ITGA4: variants seen among roughly 807,000 people sequenced by gnomAD.
ITGA4 encodes the protein integrin alpha-4.
A neutral mutation model predicts 133.6 loss-of-function variants in ITGA4; 63 were observed. The ratio of observed to expected loss-of-function variants is 0.47; its 90% CI spans 0.38 to 0.58. ITGA4 has a LOEUF of 0.58. Ranked by LOEUF, ITGA4 falls within the 20% of genes least tolerant of loss-of-function variation. The probability of loss-of-function intolerance (pLI) is 0.00; values close to 1 mark genes in which losing one functional copy is unlikely to be tolerated. For missense variants in ITGA4, 1,076 were observed against 1,252.7 expected, an observed-to-expected ratio of 0.86 and a Z score of 2.13; for synonymous variants, 483 against 438.0, an observed-to-expected ratio of 1.10 and a Z score of -1.28.
chr2:181,521,358 A>G (rs1467276200), intron 17 of ITGA4, among the ~76,000 whole-genome samples: 2 of 152,174 alleles, frequency 1.3e-5, no homozygotes, highest in African/African-American at 4.8e-5. Context: ...GCCTTTGAAT[A>G]AGTTCCTTAT....
rs1345869336 is a variant in ITGA4, at chr2:181,536,985, T to C, written c.*1458T>C. ...CAGCCATCCTAATTGATGAAAGTTA[T>C]CTGTTCACAGGCCTGCAGTGATGGT... On this transcript the variant is annotated 3_prime_UTR_variant, in exon 28 of 28. Coordinates refer to ENST00000397033, the MANE Select transcript of ITGA4 (RefSeq NM_000885.6). The C allele has an allele frequency of 2.2e-6, 1 of 451,992 alleles. No individual in the cohort carries two copies. Among genetic ancestry groups the C allele is most frequent in the Non-Finnish European group, 4.4e-6 (1 of 226,022 alleles). The allele number at this position is 451,992 out of a possible 1,614,324, so 28.0% of individuals were successfully genotyped here.
intron 2 of ITGA4, among the ~76,000 whole-genome samples, chr2:181,467,609 G>C (rs1405323549): frequency 1.3e-5 from 2 of 152,158 alleles, no homozygotes; most frequent in African/African-American, 4.8e-5. Flanking sequence ...TAGGGAACAA[G>C]TAAGTGACCT....
At chr2:181,471,587 A>T (rs1315102496) in intron 2 of ITGA4, among the ~76,000 whole-genome samples, 1 of 152,202 alleles carries the variant, frequency 6.6e-6, no homozygotes, top group East Asian at 1.9e-4. Flanking sequence ...GATATTTGAA[A>T]ATTAATGAAT....
At chr2:181,530,143 T>C (rs1049261886) in intron 23 of ITGA4, among the ~76,000 whole-genome samples, 2 of 152,206 alleles carry the variant, frequency 1.3e-5, no homozygotes. Context: ...CTAAATAGGT[T>C]TGAGGTCTGA....
chr2:181,464,958 T>A (rs1456904935), intron 2 of ITGA4, among the ~76,000 whole-genome samples: 1 of 152,276 alleles, frequency 6.6e-6, no homozygotes, highest in South Asian at 2.1e-4. Flanking sequence ...TAGAAAATCT[T>A]TTTTATATAA....
At chr2:181,513,946 A>G (rs1358934700) in intron 17 of ITGA4, among the ~76,000 whole-genome samples, 1 of 152,108 alleles carries the variant, frequency 6.6e-6, no homozygotes, top group Non-Finnish European at 1.5e-5. Context: ...AGCTGCTGCA[A>G]AGCAGGGTCC....
intron 17 of ITGA4, 22 bp downstream of exon 17, chr2:181,511,797 T>C (rs1686510968): frequency 8.6e-7 from 1 of 1,163,080 alleles, no homozygotes; most frequent in Non-Finnish European, 1.3e-6. Flanking sequence ...TGGTATATAG[T>C]CTCTGTTATT....
intron 2 of ITGA4, among the ~76,000 whole-genome samples, chr2:181,462,248 A>G (rs1405799187): frequency 2.0e-5 from 3 of 152,178 alleles, no homozygotes; most frequent in Non-Finnish European, 4.4e-5. Flanking sequence ...TGGGCCTTCA[A>G]GCTGCCTGCC....
chr2:181,457,673 C>A lies in ITGA4; in HGVS notation c.19C>A (p.Arg7Ser), dbSNP rs1360518552. ...AGAGCGCATGGCTTGGGAAGCGAGG[C>A]GCGAACCCGGCCCCCGAAGGGCCGC... MAWEAR[R>S]EPGPRRAAVR... The change falls in exon 1 of 28, where the codon CGC (arginine) becomes AGC (serine). Residue 7 changes from arginine (R) to serine (S), a missense_variant. Arg to Ser is a moderately radical substitution (Grantham distance 110). Transcript: ENST00000397033. 20 of 1,610,470 alleles carry A rather than the reference C, an allele frequency of 1.2e-5. No individual in the cohort carries two copies. The East Asian group carries it at 4.5e-4, about 36-fold the overall frequency.
intron 27 of ITGA4, among the ~76,000 whole-genome samples, 167 bp from the exon 28 acceptor site, chr2:181,535,264 GT>G (rs1428155742): frequency 6.6e-6 from 1 of 152,064 alleles, no homozygotes. Context: ...AACCCAGTAT[GT>G]CCCCACTAAT....
intron 17 of ITGA4, among the ~76,000 whole-genome samples, chr2:181,514,821 T>C (rs568700761): frequency 4.6e-5 from 7 of 152,268 alleles, no homozygotes; most frequent in African/African-American, 1.7e-4. Context: ...TCCTGAATAA[T>C]GAAAATGCAT....
At chr2:181,515,400 C>T (rs1686585190) in intron 17 of ITGA4, among the ~76,000 whole-genome samples, 1 of 152,034 alleles carries the variant, frequency 6.6e-6, no homozygotes, top group Admixed American at 6.6e-5. Context: ...ATTACTATTT[C>T]TATTTTTGAA....
chr2:181,497,100 A>C (rs1246438023), intron 14 of ITGA4, among the ~76,000 whole-genome samples: 1 of 152,164 alleles, frequency 6.6e-6, no homozygotes, highest in East Asian at 1.9e-4. Flanking sequence ...GGAAAATGGC[A>C]ATTTGAGAGC....
At chr2:181,533,678 T>C (rs1294452751) in intron 25 of ITGA4, among the ~76,000 whole-genome samples, 1 of 152,186 alleles carries the variant, frequency 6.6e-6, no homozygotes, top group African/African-American at 2.4e-5. Context: ...CATTTTTGGC[T>C]CTAAAATGTT....
chr2:181,522,082 T>A (rs1686732351), intron 17 of ITGA4, 109 bp from the exon 18 acceptor site: 2 of 541,906 alleles, frequency 3.7e-6, no homozygotes, highest in African/African-American at 3.9e-5. Flanking sequence ...CCAAGAAAAT[T>A]AGTATTTTAT....
chr2:181,486,387 T>C (rs1187205675), intron 10 of ITGA4: 1 of 161,886 alleles, frequency 6.2e-6, no homozygotes, highest in Non-Finnish European at 1.3e-5. Flanking sequence ...GACCACGGTA[T>C]TTAACTATCA....
chr2:181,533,463 T>C (rs1296705783), intron 25 of ITGA4, among the ~76,000 whole-genome samples: 1 of 152,206 alleles, frequency 6.6e-6, no homozygotes, highest in Non-Finnish European at 1.5e-5. Context: ...AATTGGCATT[T>C]TGAACCAGAT....
chr2:181,533,081 A>G (rs1178586527), intron 25 of ITGA4, among the ~76,000 whole-genome samples: 1 of 152,238 alleles, frequency 6.6e-6, no homozygotes, highest in Non-Finnish European at 1.5e-5. Flanking sequence ...AATGAAATAT[A>G]TCTTGGACTT....
At chr2:181,488,604 G>A (rs978596855) in intron 10 of ITGA4, among the ~76,000 whole-genome samples, 1 of 151,184 alleles carries the variant, frequency 6.6e-6, no homozygotes, top group East Asian at 1.9e-4. Context: ...TGTCACCCAG[G>A]CCAGAGTGCA....
Sources: allele counts gnomAD v4.1 joint callset (sites outside exome capture counted in the v4.1 genomes callset), GRCh38; gene constraint gnomAD v4.1.1; transcripts MANE v1.5; gene names NCBI Gene and HGNC (gene_info 2026-07-23, HGNC 2026-07-21).